Variants in NES observed in about 807,000 individuals in gnomAD.
NES encodes the protein nestin.
A neutral mutation model predicts 35.6 loss-of-function variants in NES; 27 were observed. The observed-to-expected ratio is 0.76, with a 90% CI of 0.56 to 1.04. The LOEUF (loss-of-function observed/expected upper bound fraction) is 1.04. Ranked by LOEUF, NES falls within the 50% of genes least tolerant of loss-of-function variation. NES has a pLI of 0.00. For missense variants in NES, 1,867 were observed against 1,983.6 expected, an observed-to-expected ratio of 0.94 and a Z score of 1.12; for synonymous variants, 822 against 824.2, an observed-to-expected ratio of 1.00 and a Z score of 0.04.
Position 156,670,743 on chromosome 1 carries a change from C to T in NES, c.3445G>A (p.Gly1149Ser). 6.2e-7 allele frequency: 1 copy of T among 1,614,066 alleles called. No individual in the cohort carries two copies. The highest frequency in any genetic ancestry group is 1.7e-5 in the Admixed American group (1 of 60,030). Residue 1149 changes from glycine (G) to serine (S), a missense_variant, in exon 4 of 4, where the codon GGT becomes AGT. Physicochemically the swap from Gly to Ser is moderately conservative, Grantham distance 56 (BLOSUM62 0). Transcript: ENST00000368223. ...GPRKDLEEAG[G>S]LGTEFSELPG... ...AGCTCGGAGAACTCTGTCCCCAGACCACCTGCCTCCTCTAGGTCCTTTCTA... is the reference window on the plus strand; with the variant it reads ...AGCTCGGAGAACTCTGTCCCCAGACTACCTGCCTCCTCTAGGTCCTTTCTA...
chr1:156,673,504 G>A lies in NES; in HGVS notation c.932C>T (p.Ser311Phe). 1.2e-6 allele frequency: 2 copies of A among 1,613,030 alleles called. No individual in the cohort carries two copies. Among genetic ancestry groups the A allele is most frequent in the Non-Finnish European group, 1.7e-6 (2 of 1,179,234 alleles). Residue 311 changes from serine (S) to phenylalanine (F), a missense_variant, in exon 3 of 4, where the codon TCC becomes TTC. Coordinates refer to ENST00000368223, the MANE Select transcript of NES (RefSeq NM_006617.2). ...GCCACCGCCAGGTGTTTGCAGCCGG[G>A]AGTTCTCAGCCTCCAGGAGGGTCCT... ...TYRTLLEAENSRLQTPGGGSK... is the reference protein window; with the variant it reads ...TYRTLLEAENFRLQTPGGGSK...
rs769854752 is a variant in NES, at chr1:156,672,290, T to C, written c.1898A>G (p.Gln633Arg). The change falls in exon 4 of 4, where the codon CAA (glutamine) becomes CGA (arginine). Residue 633 changes from glutamine (Q) to arginine (R), a missense_variant. Transcript: ENST00000368223. The stretch of plus-strand genomic sequence containing the variant: ...ACCTTCAAGAGATTTCATTAGTTCT[T>C]GATTCTCCTTTTGCAGGGATTGCAA... Reference protein sequence around the residue: ...QTLQSLQKENQELMKSLEGNL... With the variant: ...QTLQSLQKENRELMKSLEGNL... 1.9e-6 allele frequency: 3 copies of C among 1,603,470 alleles called. No individual in the cohort carries two copies. Among genetic ancestry groups the C allele is most frequent in the Non-Finnish European group, 1.7e-6 (2 of 1,176,978 alleles).
Position 156,672,846 on chromosome 1 carries a change from C to G in NES, c.1342G>C (p.Gly448Arg), listed in dbSNP as rs774792378. The change falls in exon 4 of 4, where the codon GGG becomes CGG. Residue 448 changes from glycine to arginine, a missense_variant. Coordinates refer to ENST00000368223, the MANE Select transcript of NES (RefSeq NM_006617.2). Reference sequence around the variant, plus strand: ...GTACTGGCCTCTTGCCGCTGGCCCCCAGGCTCCTCTGGTCCAGGCAGGACG... The same window carrying G: ...GTACTGGCCTCTTGCCGCTGGCCCCGAGGCTCCTCTGGTCCAGGCAGGACG... Reference protein sequence around the residue: ...ASVLPGPEEPGGQRQEASTGQ... With the variant: ...ASVLPGPEEPRGQRQEASTGQ... 6 of 1,613,962 alleles carry G rather than the reference C, an allele frequency of 3.7e-6. No homozygotes were observed. In the Admixed American group the frequency reaches 1.0e-4, roughly 27 times the overall value.
At position 156,673,527 on chromosome 1, in the gene NES, C is replaced by T. The variant is rs549293688; in HGVS notation, c.909G>A (p.Arg303=). The change falls in exon 3 of 4, where the codon AGG becomes AGA. Residue 303 remains arginine, a splice_region_variant and synonymous_variant. Transcript: ENST00000368223. ...MSLSLEVATY[R]TLLEAENSRL... The stretch of plus-strand genomic sequence containing the variant: ...GGGAGTTCTCAGCCTCCAGGAGGGT[C>T]CTGGAGAGGACAGAGGGAAAGTGGG... The T allele has an allele frequency of 1.2e-6, 2 of 1,609,898 alleles. No individual in the cohort carries two copies. The highest frequency in any genetic ancestry group is 2.2e-5 in the East Asian group (1 of 44,722).
rs1474753614 is a variant in NES, at chr1:156,676,691, C to G, written c.574G>C (p.Gly192Arg). The G allele has an allele frequency of 4.7e-6, 7 of 1,488,140 alleles. No homozygotes were observed. The highest frequency in any genetic ancestry group is 6.2e-6 in the Non-Finnish European group (7 of 1,131,394). 92.2% of individuals were successfully genotyped at this position (1,488,140 alleles called of 1,614,324 possible). A position where few individuals can be genotyped will look rare whatever the true frequency, so the allele number is the denominator to read the frequency against. The change falls in exon 1 of 4, where the codon GGC (glycine) becomes CGC (arginine). Residue 192 changes from glycine to arginine, a missense_variant. Gly to Arg is a moderately radical substitution (Grantham distance 125). Coordinates refer to ENST00000368223, the MANE Select transcript of NES (RefSeq NM_006617.2). This position sits in a 1 kb window ranked among gnomAD's most constrained non-coding sequence, Gnocchi z 5.3. ...LGEAWRGAVR[G>R]YQERVAHMET... The stretch of plus-strand genomic sequence containing the variant: ...ATGTGTGCCACGCGCTCCTGGTAGC[C>G]GCGCACTGCCCCGCGCCACGCCTCG...
Position 156,671,473 on chromosome 1 carries a change from A to T in NES, c.2715T>A (p.Ser905=), listed in dbSNP as rs745756359. 7 of 1,613,714 alleles carry T rather than the reference A, an allele frequency of 4.3e-6. No homozygotes were observed. In the African/African-American group the frequency reaches 9.4e-5, roughly 22 times the overall value. ...GACTTTCCTTGTCTACCTCCTCTGG[A>T]GATCTCAAATTCTCCAGGTTCCATG... ...LGAWNLENLR[S]PEEVDKESQR... The change falls in exon 4 of 4, where the codon TCT becomes TCA. Residue 905 remains serine (S), a synonymous_variant. Coordinates refer to ENST00000368223, the MANE Select transcript of NES (RefSeq NM_006617.2).
chr1:156,676,655 G>A lies in NES; in HGVS notation c.610C>T (p.Leu204=). The A allele has an allele frequency of 1.3e-6, 2 of 1,526,742 alleles. No homozygotes were observed. Among genetic ancestry groups the A allele is most frequent in the South Asian group, 1.2e-5 (1 of 82,658 alleles). The allele number at this position is 1,526,742 out of a possible 1,614,324, so 94.6% of individuals were successfully genotyped here. The change falls in exon 1 of 4, where the codon CTG becomes TTG. Residue 204 remains leucine (L), a synonymous_variant. Transcript: ENST00000368223. This position sits in a 1 kb window ranked among gnomAD's most constrained non-coding sequence, Gnocchi z 5.3. ...QERVAHMETS[L]GQARERLGRA... ...CCCAGCCGCTCGCGGGCCTGGCCCA[G>A]CGACGTCTCCATGTGTGCCACGCGC... is the stretch of plus-strand genomic sequence containing the variant.
chr1:156,674,465 T>G (rs1679798543), intron 2 of NES, among the ~76,000 whole-genome samples: 1 of 152,016 alleles, frequency 6.6e-6, no homozygotes, highest in African/African-American at 2.4e-5. Context: ...CTCTGGGCCT[T>G]GCCTCTCCTC....
rs766939861 is a variant in NES, at chr1:156,670,693, C to T, written c.3495G>A (p.Trp1165Ter). 1 of 1,613,954 alleles carries T rather than the reference C, an allele frequency of 6.2e-7. No individual in the cohort carries two copies. Among genetic ancestry groups the T allele is most frequent in the Non-Finnish European group, 8.5e-7 (1 of 1,179,916 alleles). Residue 1165 changes from tryptophan to a stop codon, truncating the protein, a stop_gained, in exon 4 of 4, where the codon TGG becomes TGA. Coordinates refer to ENST00000368223, the MANE Select transcript of NES (RefSeq NM_006617.2). LOFTEE classifies it low-confidence loss of function (END_TRUNC). ...CCTCCCTACCCTCCCTGGGAGGCTC[C>T]CAAGGGTCTCTGCTCTTCCCAGGCA... ...SELPGKSRDPWEPPREGREES... is the reference protein window; with the variant it reads ...SELPGKSRDP
At position 156,675,283 on chromosome 1, in the gene NES, C is replaced by T. The variant is rs1647237437; in HGVS notation, c.841G>A (p.Val281Ile). The change falls in exon 2 of 4, where the codon GTC becomes ATC. Residue 281 changes from valine to isoleucine, a missense_variant. Transcript: ENST00000368223. ...GCCAGCTGCTGCCGACCTTCCAGGA[C>T]CTGAGCGATCTGGCTCTGTAGGCCC... ...KQGLQSQIAQ[V>I]LEGRQQLAHL... 1 of 1,613,580 alleles carries T rather than the reference C, an allele frequency of 6.2e-7. No individual in the cohort carries two copies. Among genetic ancestry groups the T allele is most frequent in the East Asian group, 2.2e-5 (1 of 44,882 alleles).
Position 156,677,360 on chromosome 1 carries a change from A to C in NES, c.-96T>G. ...TTAGGACGGAAGAGAAAAGAGACCG[A>C]CGGGGACAATGACGGGGCGGGGCGG... On this transcript the variant is annotated 5_prime_UTR_variant, in exon 1 of 4. Coordinates refer to ENST00000368223, the MANE Select transcript of NES (RefSeq NM_006617.2). This position sits in a 1 kb window ranked among gnomAD's most constrained non-coding sequence, Gnocchi z 4.5. The C allele has an allele frequency of 2.7e-6, 1 of 375,520 alleles. No individual in the cohort carries two copies. Among genetic ancestry groups the C allele is most frequent in the Non-Finnish European group, 5.0e-6 (1 of 198,514 alleles). The allele number at this position is 375,520 out of a possible 1,614,324, so 23.3% of individuals were successfully genotyped here. A position where few individuals can be genotyped will look rare whatever the true frequency, so the allele number is the denominator to read the frequency against.
Position 156,670,885 on chromosome 1 carries a change from C to CCCCCCCCCCCG in NES, c.3302_3303insCGGGGGGGGGG (p.Gln1103GlyfsTer16). 8.8e-6 allele frequency: 14 copies of CCCCCCCCCCCG among 1,594,034 alleles called. No homozygotes were observed. The highest frequency in any genetic ancestry group is 1.2e-5 in the Non-Finnish European group (14 of 1,162,760). On this transcript the variant is annotated frameshift_variant, in exon 4 of 4. Transcript: ENST00000368223. LOFTEE classifies it low-confidence loss of function (END_TRUNC). Reference sequence around the variant, plus strand: ...CCCCCAGCCCTCCCACCCCCTGCCCCGGGCCTGGCTCAGCTCCCGCAGCAG... The same window carrying CCCCCCCCCCCG: ...CCCCCAGCCCTCCCACCCCCTGCCCCCCCCCCCCCCGGGGCCTGGCTCAGCTCCCGCAGCAG...
intron 2 of NES, among the ~76,000 whole-genome samples, chr1:156,674,782 T>C (rs1679806821): frequency 6.6e-6 from 1 of 152,216 alleles, no homozygotes; most frequent in Non-Finnish European, 1.5e-5. Context: ...TAGACGAGGC[T>C]GAGGCCCAGG....
Position 156,671,411 on chromosome 1 carries a change from C to A in NES, c.2777G>T (p.Gly926Val), listed in dbSNP as rs1679728919. ...NLEEEENLGK[G>V]EYQESLRSLE... ...AGACCTCAGTGACTCTTGGTACTCT[C>A]CCTTTCCCAGGTTCTCTTCCTCTTC... Residue 926 changes from glycine (G) to valine (V), a missense_variant, in exon 4 of 4, where the codon GGA becomes GTA. Coordinates refer to ENST00000368223, the MANE Select transcript of NES (RefSeq NM_006617.2). The A allele has an allele frequency of 1.2e-6, 2 of 1,614,044 alleles. No homozygotes were observed.
Position 156,671,318 on chromosome 1 carries a change from T to G in NES, c.2870A>C (p.Lys957Thr). 6.2e-7 allele frequency: 1 copy of G among 1,614,128 alleles called. No individual in the cohort carries two copies. The highest frequency in any genetic ancestry group is 8.5e-7 in the Non-Finnish European group (1 of 1,180,034). Residue 957 changes from lysine to threonine, a missense_variant, in exon 4 of 4, where the codon AAG (lysine) becomes ACG (threonine). Coordinates refer to ENST00000368223, the MANE Select transcript of NES (RefSeq NM_006617.2). ...DVQRWEDTVE[K>T]DQELAQESPP... ...GCTTTCCTGAGCCAGTTCTTGGTCCTTCTCCACCGTATCTTCCCACCTCTG... is the reference window on the plus strand; with the variant it reads ...GCTTTCCTGAGCCAGTTCTTGGTCCGTCTCCACCGTATCTTCCCACCTCTG...
At position 156,677,132 on chromosome 1, in the gene NES, C is replaced by T. The variant is rs1370243527; in HGVS notation, c.133G>A (p.Ala45Thr). ...LLSAELGGLR[A>T]QSADTSWRAH... ...CGCCAGGAGGTGTCCGCGGATTGTGCCCGGAGCCCCCCGAGCTCCGCGCTG... is the reference window on the plus strand; with the variant it reads ...CGCCAGGAGGTGTCCGCGGATTGTGTCCGGAGCCCCCCGAGCTCCGCGCTG... Residue 45 changes from alanine (A) to threonine (T), a missense_variant, in exon 1 of 4, where the codon GCA becomes ACA. Ala to Thr is a moderately conservative substitution (Grantham distance 58, BLOSUM62 0). Transcript: ENST00000368223. The surrounding 1 kb of genome is among the most constrained non-coding windows in gnomAD (Gnocchi z 4.5). 2.5e-6 allele frequency: 4 copies of T among 1,608,098 alleles called. No individual in the cohort carries two copies. Among genetic ancestry groups the T allele is most frequent in the Non-Finnish European group, 3.4e-6 (4 of 1,178,146 alleles).
chr1:156,673,280 T>C, intron 3 of NES, 75 bp from the exon 4 acceptor site: 2 of 1,343,688 alleles, frequency 1.5e-6, no homozygotes, highest in Non-Finnish European at 2.0e-6. Flanking sequence ...CAGCCACCGC[T>C]GGCAAGAGTA....
At chr1:156,675,443 C>T in intron 1 of NES, 103 bp from the exon 2 acceptor site, 8 of 1,360,352 alleles carry the variant, frequency 5.9e-6, no homozygotes, top group Non-Finnish European at 7.9e-6. Flanking sequence ...CCTCCTGCTC[C>T]CTGGCTGACT....
At position 156,670,859 on chromosome 1, in the gene NES, T is replaced by TCCCCC; in HGVS notation, c.3324_3328dup (p.Asp1110GlyfsTer7). ...CTCTTCCCTGGTCAGATGGCCTGGG[T>TCCCCC]CCCCCAGCCCTCCCACCCCCTGCCC... On this transcript the variant is annotated frameshift_variant, in exon 4 of 4. Coordinates refer to ENST00000368223, the MANE Select transcript of NES (RefSeq NM_006617.2). LOFTEE classifies it low-confidence loss of function (END_TRUNC). 5.6e-6 allele frequency: 9 copies of TCCCCC among 1,609,240 alleles called. No individual in the cohort carries two copies. Among genetic ancestry groups the TCCCCC allele is most frequent in the Middle Eastern group, 1.7e-4 (1 of 6,038 alleles).
Sources: allele counts gnomAD v4.1 joint callset (sites outside exome capture counted in the v4.1 genomes callset), GRCh38; gene constraint gnomAD v4.1.1; non-coding constraint Gnocchi (gnomAD v3.1); transcripts MANE v1.5; gene names NCBI Gene and HGNC (gene_info 2026-07-23, HGNC 2026-07-21).